SPATA31A6: variants seen among roughly 807,000 people sequenced by gnomAD.
SPATA31A6 encodes spermatogenesis-associated protein 31A6.
Under a neutral mutation model 11.9 loss-of-function variants are expected in SPATA31A6, and 9 were observed. That is an observed-to-expected ratio of 0.76 (90% CI 0.46 to 1.32). The LOEUF is 1.32. Ranked by LOEUF, SPATA31A6 falls within the 40% of genes most tolerant of loss-of-function variation. The pLI, the probability that SPATA31A6 is intolerant of heterozygous loss-of-function variation, is 0.00. For synonymous variants in SPATA31A6, 314 were observed against 572.1 expected (o/e 0.55, Z 6.44); for missense variants, 855 against 1,467.3 (o/e 0.58, Z 6.82).
rs1829523562 is a variant in SPATA31A6 at position 42,189,233 on chromosome 9, G to T, written c.3531G>T (p.Lys1177Asn). 5.2e-6 allele frequency: 8 copies of T among 1,547,894 alleles called. 1 individual carries two copies. The South Asian group carries it at 8.0e-5, about 15-fold the overall frequency. ...FQWIFSKKKS[K>N]PAPVTAESQK... ...GGATTTTTTCAAAGAAAAAAAGCAA[G>T]CCAGCACCAGTCACTGCTGAGAGCC... Residue 1177 changes from lysine to asparagine, a missense_variant, in exon 4 of 4, where the codon AAG becomes AAT. Transcript: ENST00000332857.
rs1829543522 is a variant in SPATA31A6, at chr9:42,189,837, T to C, written c.*103T>C. On this transcript the variant is annotated 3_prime_UTR_variant, in exon 4 of 4. Coordinates refer to ENST00000332857, the MANE Select transcript of SPATA31A6 (RefSeq NM_001145196.1). ...GAAAAAATATTTTCTCTCATGTTAGTAAATGCAGAACATTTAATATTCCAC... is the reference window on the plus strand; with the variant it reads ...GAAAAAATATTTTCTCTCATGTTAGCAAATGCAGAACATTTAATATTCCAC... 8.9e-7 allele frequency: 1 copy of C among 1,129,648 alleles called. No individual in the cohort carries two copies. The highest frequency in any genetic ancestry group is 1.2e-6 in the Non-Finnish European group (1 of 845,988). The allele number at this position is 1,129,648 out of a possible 1,614,324, so 70.0% of individuals were successfully genotyped here. A position where few individuals can be genotyped will look rare whatever the true frequency, so the allele number is the denominator to read the frequency against.
chr9:42,184,649 C>T (rs967392259), intron 1 of SPATA31A6, among the ~76,000 whole-genome samples: 2 of 135,374 alleles, frequency 1.5e-5, no homozygotes, highest in South Asian at 2.4e-4. Flanking sequence ...CCTGTCTTAG[C>T]GTCCTGAATA....
Position 42,187,125 on chromosome 9 carries a change from C to G in SPATA31A6, c.1423C>G (p.Arg475Gly). ...LLFQAQPLSH[R>G]QPFISSTPQF... ...TTTCCAGGCCCAGCCCCTGTCCCAC[C>G]GCCAACCCTTTATTTCATCCACACC... Residue 475 changes from arginine (R) to glycine (G), a missense_variant, in exon 4 of 4, where the codon CGC becomes GGC. By Grantham distance (125) the Arg-to-Gly change is moderately radical. Coordinates refer to ENST00000332857, the MANE Select transcript of SPATA31A6 (RefSeq NM_001145196.1). 6.5e-7 allele frequency: 1 copy of G among 1,537,782 alleles called. No homozygotes were observed. The highest frequency in any genetic ancestry group is 8.8e-7 in the Non-Finnish European group (1 of 1,136,874).
At chr9:42,184,198 C>T (rs1227961074) in intron 1 of SPATA31A6, among the ~76,000 whole-genome samples, 1 of 137,674 alleles carries the variant, frequency 7.3e-6, no homozygotes, top group Non-Finnish European at 1.6e-5. Context: ...TGAGCCCTGG[C>T]TCATCAGCCC....
In SPATA31A6 at chr9:42,189,294, A is replaced by C. The variant is rs1398628697; in HGVS notation, c.3592A>C (p.Ser1198Arg). Residue 1198 changes from serine to arginine, a missense_variant, in exon 4 of 4, where the codon AGC becomes CGC. By Grantham distance (110) the Ser-to-Arg change is moderately radical. Transcript: ENST00000332857. ...TVKNRSCVYS[S>R]SAEAQGLMTA... ...AAAAAACAGATCATGTGTGTACAGC[A>C]GCAGTGCTGAAGCTCAGGGTCTCAT... 7.7e-6 allele frequency: 12 copies of C among 1,559,142 alleles called. 2 individuals carry two copies. The African/African-American group carries it at 1.4e-4, about 18-fold the overall frequency.
At chr9:42,184,482 T>TGTGTG (rs1491231633) in intron 1 of SPATA31A6, among the ~76,000 whole-genome samples, 25 of 104,802 alleles carry the variant, frequency 2.4e-4, no homozygotes, top group Non-Finnish European at 3.1e-4. Flanking sequence ...TGTGTGTGTG[T>TGTGTG]TATTTTTATT....
chr9:42,183,771 C>A lies in SPATA31A6; in HGVS notation c.84C>A (p.Ile28=). Residue 28 remains isoleucine, a synonymous_variant, in exon 1 of 4, where the codon ATC becomes ATA. Coordinates refer to ENST00000332857, the MANE Select transcript of SPATA31A6 (RefSeq NM_001145196.1). ...APSSTPWVLD[I]FLTLVFALGF... Reference sequence around the variant, plus strand: ...GCTCCACACCATGGGTGTTGGATATCTTCCTCACCTTGGTGTTTGCCCTGG... The same window carrying A: ...GCTCCACACCATGGGTGTTGGATATATTCCTCACCTTGGTGTTTGCCCTGG... 1 of 1,535,664 alleles carries A rather than the reference C, an allele frequency of 6.5e-7. No individual in the cohort carries two copies. The highest frequency in any genetic ancestry group is 8.8e-7 in the Non-Finnish European group (1 of 1,137,816).
chr9:42,189,883 T>C lies in SPATA31A6; in HGVS notation c.*149T>C, dbSNP rs2762365. 252,631 of 909,414 alleles carry C rather than the reference T, an allele frequency of 0.28. 71,418 individuals are homozygous for C. Among genetic ancestry groups the C allele is most frequent in the East Asian group, 0.63 (16,219 of 25,658 alleles). 56.3% of individuals were successfully genotyped at this position (909,414 alleles called of 1,614,324 possible). A position where few individuals can be genotyped will look rare whatever the true frequency, so the allele number is the denominator to read the frequency against. ...TCCACAATATATATGGTTTTTTATT[T>C]ATAAGAGGGTGATGGCTTCTATTTG... On this transcript the variant is annotated 3_prime_UTR_variant, in exon 4 of 4. Coordinates refer to ENST00000332857, the MANE Select transcript of SPATA31A6 (RefSeq NM_001145196.1).
chr9:42,187,247 G>C lies in SPATA31A6; in HGVS notation c.1545G>C (p.Lys515Asn). ...VLSPAFPSLI[K>N]NTGVACPASQ... is the part of the protein sequence containing the mutation. Reference sequence around the variant, plus strand: ...CTCCTGCTTTTCCATCCCTGATTAAGAACACTGGAGTAGCTTGCCCTGCAT... The same window carrying C: ...CTCCTGCTTTTCCATCCCTGATTAACAACACTGGAGTAGCTTGCCCTGCAT... Residue 515 changes from lysine (K) to asparagine (N), a missense_variant, in exon 4 of 4, where the codon AAG becomes AAC. Coordinates refer to ENST00000332857, the MANE Select transcript of SPATA31A6 (RefSeq NM_001145196.1). 1 of 1,542,668 alleles carries C rather than the reference G, an allele frequency of 6.5e-7. No individual in the cohort carries two copies. Among genetic ancestry groups the C allele is most frequent in the East Asian group, 2.4e-5 (1 of 41,830 alleles).
At position 42,185,482 on chromosome 9, in the gene SPATA31A6, G is replaced by T; in HGVS notation, c.248-213G>T. The T allele has an allele frequency of 4.9e-6, 4 of 821,242 alleles. 1 individual carries two copies. Among genetic ancestry groups the T allele is most frequent in the African/African-American group, 4.0e-5 (2 of 50,218 alleles). The allele number at this position is 821,242 out of a possible 1,614,324, so 50.9% of individuals were successfully genotyped here. ...ACAGGGCAGTTGTGAGGACTGTGGG[G>T]GTGGGGGGTCCGTGTGTGGAAGCCT... On this transcript the variant is annotated intron_variant, in intron 2 of 3. Coordinates refer to ENST00000332857, the MANE Select transcript of SPATA31A6 (RefSeq NM_001145196.1).
At position 42,187,019 on chromosome 9, in the gene SPATA31A6, T is replaced by G. The variant is rs750652535; in HGVS notation, c.1317T>G (p.Thr439=). The part of the protein sequence containing the change: ...ANAWVTDRSY[T]LQSPPFLFNE... ...CCTGGGTAACTGACAGGTCTTATACTTTACAGTCTCCTCCTTTCTTGTTCA... is the reference window on the plus strand; with the variant it reads ...CCTGGGTAACTGACAGGTCTTATACGTTACAGTCTCCTCCTTTCTTGTTCA... The change falls in exon 4 of 4, where the codon ACT becomes ACG. Residue 439 remains threonine (T), a synonymous_variant. Transcript: ENST00000332857. The G allele has an allele frequency of 6.5e-7, 1 of 1,547,152 alleles. No homozygotes were observed. The highest frequency in any genetic ancestry group is 8.8e-7 in the Non-Finnish European group (1 of 1,141,894).
In SPATA31A6 at chr9:42,186,873, C is replaced by G. The variant is rs746726369; in HGVS notation, c.1171C>G (p.Gln391Glu). 5.9e-6 allele frequency: 9 copies of G among 1,536,670 alleles called. 1 individual carries two copies. The highest frequency in any genetic ancestry group is 4.7e-5 in the East Asian group (2 of 42,138). Residue 391 changes from glutamine (Q) to glutamate (E), a missense_variant, in exon 4 of 4, where the codon CAG becomes GAG. Gln to Glu is a conservative substitution (Grantham distance 29, BLOSUM62 2). Transcript: ENST00000332857. ...PFWNMGENSK[Q>E]LPGPQKCSDP... ...CTGGAACATGGGAGAGAACTCGAAA[C>G]AGCTGCCCGGACCTCAGAAGTGCTC... is the stretch of plus-strand genomic sequence containing the variant.
In SPATA31A6 at chr9:42,189,140, A is replaced by G; in HGVS notation, c.3438A>G (p.Leu1146=). ...CCCATCAGGATGAAGGCGTCCAGCT[A>G]CTGCCATCAAAGAAACAGCCTCCTT... is the stretch of plus-strand genomic sequence containing the variant. ...EDTHQDEGVQ[L]LPSKKQPPSV... Residue 1146 remains leucine (L), a synonymous_variant, in exon 4 of 4, where the codon CTA becomes CTG. Coordinates refer to ENST00000332857, the MANE Select transcript of SPATA31A6 (RefSeq NM_001145196.1). 2 of 1,545,736 alleles carry G rather than the reference A, an allele frequency of 1.3e-6. No homozygotes were observed. The highest frequency in any genetic ancestry group is 1.8e-6 in the Non-Finnish European group (2 of 1,139,614).
rs765069627 is a variant in SPATA31A6, at chr9:42,186,908, G to A, written c.1206G>A (p.Arg402=). Residue 402 remains arginine, a synonymous_variant, in exon 4 of 4, where the codon AGG becomes AGA. Transcript: ENST00000332857. ...GACCTCAGAAGTGCTCAGATCCTAG[G>A]CTCTTGCAGGAAAGTTTTTGGAAGA... is the stretch of plus-strand genomic sequence containing the variant. ...LPGPQKCSDP[R]LLQESFWKNY... 7 of 1,539,450 alleles carry A rather than the reference G, an allele frequency of 4.5e-6. 2 individuals are homozygous for A. Among genetic ancestry groups the A allele is most frequent in the Non-Finnish European group, 4.4e-6 (5 of 1,142,434 alleles).
Position 42,186,851 on chromosome 9 carries a change from G to A in SPATA31A6, c.1149G>A (p.Trp383Ter). The change falls in exon 4 of 4, where the codon TGG becomes TGA. Residue 383 changes from tryptophan (W) to a stop codon, truncating the protein, a stop_gained. Coordinates refer to ENST00000332857, the MANE Select transcript of SPATA31A6 (RefSeq NM_001145196.1). LOFTEE classifies it low-confidence loss of function (END_TRUNC). ...EQDTTNPKPF[W>*]NMGENSKQLP... is the part of the protein sequence containing the mutation. ...ACACCACAAACCCAAAACCCTTCTG[G>A]AACATGGGAGAGAACTCGAAACAGC... 1 of 1,535,652 alleles carries A rather than the reference G, an allele frequency of 6.5e-7. No individual in the cohort carries two copies. The highest frequency in any genetic ancestry group is 1.1e-5 in the South Asian group (1 of 87,498).
At chr9:42,184,978 A>T in intron 1 of SPATA31A6, 91 bp from the exon 2 acceptor site, 2 of 1,399,650 alleles carry the variant, frequency 1.4e-6, no homozygotes, top group Non-Finnish European at 2.0e-6. Flanking sequence ...AGAGAGGGAG[A>T]GCCAGTCCTA....
Position 42,189,850 on chromosome 9 carries a change from T to A in SPATA31A6, c.*116T>A. ...CTCTCATGTTAGTAAATGCAGAACA[T>A]TTAATATTCCACAATATATATGGTT... is the stretch of plus-strand genomic sequence containing the variant. On this transcript the variant is annotated 3_prime_UTR_variant, in exon 4 of 4. Transcript: ENST00000332857. 2 of 1,123,016 alleles carry A rather than the reference T, an allele frequency of 1.8e-6. 1 individual carries two copies. 69.6% of individuals were successfully genotyped at this position (1,123,016 alleles called of 1,614,324 possible).
At position 42,186,267 on chromosome 9, in the gene SPATA31A6, C is replaced by T; in HGVS notation, c.565C>T (p.Pro189Ser). ...SSLSASQPPEPSLPLEHPSPE... is the reference protein window; with the variant it reads ...SSLSASQPPESSLPLEHPSPE... Reference sequence around the variant, plus strand: ...CCTAAGTGCCTCCCAGCCACCAGAACCTTCCCTTCCCCTAGAACACCCCTC... The same window carrying T: ...CCTAAGTGCCTCCCAGCCACCAGAATCTTCCCTTCCCCTAGAACACCCCTC... Residue 189 changes from proline to serine, a missense_variant, in exon 4 of 4, where the codon CCT (proline) becomes TCT (serine). Physicochemically the swap from Pro to Ser is moderately conservative, Grantham distance 74. Coordinates refer to ENST00000332857, the MANE Select transcript of SPATA31A6 (RefSeq NM_001145196.1). The T allele has an allele frequency of 1.3e-6, 1 of 793,834 alleles. No homozygotes were observed. Among genetic ancestry groups the T allele is most frequent in the Non-Finnish European group, 1.8e-6 (1 of 558,530 alleles). 49.2% of individuals were successfully genotyped at this position (793,834 alleles called of 1,614,324 possible). A position where few individuals can be genotyped will look rare whatever the true frequency, so the allele number is the denominator to read the frequency against.
chr9:42,189,180 G>A lies in SPATA31A6; in HGVS notation c.3478G>A (p.Gly1160Arg), dbSNP rs780351067. The A allele has an allele frequency of 1.2e-5, 18 of 1,543,552 alleles. 2 individuals carry two copies. Among genetic ancestry groups the A allele is most frequent in the Non-Finnish European group, 1.3e-5 (15 of 1,138,224 alleles). Residue 1160 changes from glycine to arginine, a missense_variant, in exon 4 of 4, where the codon GGA (glycine) becomes AGA (arginine). By Grantham distance (125) the Gly-to-Arg change is moderately radical (BLOSUM62 -2). Transcript: ENST00000332857. ...KKQPPSVSHF[G>R]ENIKQFFQWI... ...ACAGCCTCCTTCAGTAAGCCACTTT[G>A]GAGAAAACATCAAGCAATTTTTTCA...
Sources: gnomAD v4.1 joint callset for allele counts (sites outside exome capture counted in the v4.1 genomes callset) on GRCh38, gnomAD v4.1.1 for gene constraint, MANE v1.5 for transcripts, NCBI Gene and HGNC (gene_info 2026-07-23, HGNC 2026-07-21) for gene names.